MSANTD5: variants seen among roughly 807,000 people sequenced by gnomAD.
The protein encoded by MSANTD5 is uncharacterized protein MSANTD5.
Position 178,696,638 on chromosome 5 carries a change from G to A in MSANTD5, c.7-457C>T, listed in dbSNP as rs61676284. On this transcript the variant is annotated intron_variant, in intron 1 of 3. Transcript: ENST00000648368. ...GTGAAGGCAGGAAACAAGGGTTGGGGCTCCTGCAAGTACCCAGCTCAAACC... is the reference window on the plus strand; with the variant it reads ...GTGAAGGCAGGAAACAAGGGTTGGGACTCCTGCAAGTACCCAGCTCAAACC... Among the ~76,000 whole-genome samples the A allele has an allele frequency of 7.0e-3, 1,071 of 152,238 alleles. 15 individuals carry two copies. Among genetic ancestry groups the A allele is most frequent in the African/African-American group, 0.024 (1,017 of 41,538 alleles).
chr5:178,705,822 T>G, the MSANTD5 span, among the ~76,000 whole-genome samples: 1 of 152,072 alleles, frequency 6.6e-6, no homozygotes, highest in East Asian at 1.9e-4. Context: ...CTGGGCGTGG[T>G]GGTGGGCGCC....
upstream of MSANTD5, among the ~76,000 whole-genome samples, chr5:178,700,929 G>A (rs1765471245): frequency 6.6e-6 from 1 of 152,168 alleles, no homozygotes; most frequent in African/African-American, 2.4e-5. Flanking sequence ...CACATTTTCA[G>A]GGCTGCTTGT....
upstream of MSANTD5, among the ~76,000 whole-genome samples, chr5:178,699,882 T>G (rs7709633): frequency 0.11 from 3,717 of 33,922 alleles, 91 homozygotes; most frequent in African/African-American, 0.13. Context: ...TGGCTTCTAA[T>G]GGGGACCCTG....
chr5:178,698,749 CTTTTTTTTTT>C (rs70997624), upstream of MSANTD5, among the ~76,000 whole-genome samples: 1 of 98,796 alleles, frequency 1.0e-5, no homozygotes, highest in Non-Finnish European at 1.9e-5. Context: ...CATGCTTGGC[CTTTTTTTTTT>C]TTTTTTTTTT....
chr5:178,697,303 A>C (rs960392172), intron 1 of MSANTD5, among the ~76,000 whole-genome samples: 2 of 150,976 alleles, frequency 1.3e-5, no homozygotes, highest in Admixed American at 1.3e-4. Flanking sequence ...AAATACAAAA[A>C]ATTAGCCGGG....
At chr5:178,700,909 A>G (rs537456690), upstream of MSANTD5, among the ~76,000 whole-genome samples, 2 of 152,342 alleles carry the variant, frequency 1.3e-5, no homozygotes, top group African/African-American at 2.4e-5. Flanking sequence ...TTTAAAAGAA[A>G]TGGTTTTCAC....
At chr5:178,693,154 T>G (rs1765373973), downstream of MSANTD5, among the ~76,000 whole-genome samples, 1 of 151,642 alleles carries the variant, frequency 6.6e-6, no homozygotes, top group African/African-American at 2.4e-5. Context: ...TACTAAAAAA[T>G]ACAAAAAAAT....
chr5:178,703,957 G>C, the MSANTD5 span, among the ~76,000 whole-genome samples: 1 of 150,766 alleles, frequency 6.6e-6, no homozygotes, highest in Non-Finnish European at 1.5e-5. Flanking sequence ...CTCCAGCCTG[G>C]GGGACAGAGC....
At chr5:178,701,151 A>AT (rs965525520), upstream of MSANTD5, among the ~76,000 whole-genome samples, 6 of 151,488 alleles carry the variant, frequency 4.0e-5, no homozygotes, top group East Asian at 3.9e-4. Flanking sequence ...TTTTTTTTGT[A>AT]TTTTTTTAGT....
the MSANTD5 span, among the ~76,000 whole-genome samples, chr5:178,704,735 C>G: frequency 2.2e-4 from 34 of 152,194 alleles, no homozygotes; most frequent in African/African-American, 7.7e-4. Flanking sequence ...GGAAGAGTTG[C>G]TTTTGCAGAT....
the MSANTD5 span, among the ~76,000 whole-genome samples, chr5:178,706,688 G>A: frequency 6.9e-6 from 1 of 144,540 alleles, no homozygotes; most frequent in Admixed American, 6.9e-5. Flanking sequence ...GCTAGCATAA[G>A]ACTCTGGCAA....
At chr5:178,702,297 T>C (rs1001812334), upstream of MSANTD5, among the ~76,000 whole-genome samples, 1 of 149,940 alleles carries the variant, frequency 6.7e-6, no homozygotes, top group African/African-American at 2.4e-5. Context: ...CTTTCTTTTT[T>C]TTTCTTTTTT....
chr5:178,703,043 C>T, the MSANTD5 span, among the ~76,000 whole-genome samples: 6 of 152,336 alleles, frequency 3.9e-5, no homozygotes, highest in Non-Finnish European at 7.4e-5. Flanking sequence ...CAAAGACACA[C>T]GAGAGAGCAC....
chr5:178,698,856 G>A (rs1174560272), upstream of MSANTD5, among the ~76,000 whole-genome samples: 1 of 149,778 alleles, frequency 6.7e-6, no homozygotes, highest in Non-Finnish European at 1.5e-5. Context: ...CTCCCAAAGT[G>A]CTGAGACTGC....
chr5:178,697,236 C>T (rs990190908), intron 1 of MSANTD5, among the ~76,000 whole-genome samples: 4 of 151,772 alleles, frequency 2.6e-5, no homozygotes, highest in Admixed American at 1.3e-4. Context: ...GGGCGGATCA[C>T]GAGGTCAGGA....
At chr5:178,707,073 T>C in the MSANTD5 span, 1 of 152,160 alleles carries the variant, frequency 6.6e-6, no homozygotes, top group South Asian at 2.1e-4. Context: ...GTCACTGCTT[T>C]TCAGCTTGAC....
At chr5:178,699,613 G>A (rs1765455379), upstream of MSANTD5, among the ~76,000 whole-genome samples, 1 of 152,146 alleles carries the variant, frequency 6.6e-6, no homozygotes, top group Admixed American at 6.6e-5. Flanking sequence ...GTTTCACCAT[G>A]TTGGCTAGGC....
At chr5:178,701,256 C>A (rs930670319), upstream of MSANTD5, among the ~76,000 whole-genome samples, 1 of 152,052 alleles carries the variant, frequency 6.6e-6, no homozygotes, top group Non-Finnish European at 1.5e-5. Context: ...GGATTACATG[C>A]GTGAGCCACG....
upstream of MSANTD5, among the ~76,000 whole-genome samples, chr5:178,701,810 T>C (rs1024271639): frequency 2.0e-5 from 3 of 150,012 alleles, no homozygotes; most frequent in African/African-American, 7.3e-5. Flanking sequence ...CAATGGTGTG[T>C]TCTTGGCCTA....
Sources: allele counts gnomAD v4.1 joint callset (sites outside exome capture counted in the v4.1 genomes callset), GRCh38; gene constraint gnomAD v4.1.1; transcripts MANE v1.5; gene names NCBI Gene and HGNC (gene_info 2026-07-23, HGNC 2026-07-21).